The following RCOR1 variants were observed in gnomAD, a reference collection of about 807,000 sequenced individuals.
RCOR1 encodes the protein REST corepressor 1.
Under a neutral mutation model 64.0 loss-of-function variants are expected in RCOR1, and 12 were observed. That is an observed-to-expected ratio of 0.19 (90% CI 0.12 to 0.30). The LOEUF is 0.30. Among genes scored for constraint, RCOR1 ranks in the 10% least tolerant of loss-of-function variants. The pLI, the probability that RCOR1 is intolerant of heterozygous loss-of-function variation, is 1.00. For missense variants in RCOR1, 502 were observed against 621.2 expected (o/e 0.81, Z 2.04); for synonymous variants, 279 against 227.2 (o/e 1.23, Z -2.05).
chr14:102,605,233 G>T (rs967846628), intron 2 of RCOR1, among the ~76,000 whole-genome samples: 1 of 152,152 alleles, frequency 6.6e-6, no homozygotes, highest in Non-Finnish European at 1.5e-5. Context: ...CTTCCTGGCA[G>T]TGAGAACACC....
chr14:102,638,698 T>C (rs1381291878), intron 2 of RCOR1, among the ~76,000 whole-genome samples: 1 of 152,034 alleles, frequency 6.6e-6, no homozygotes, highest in Non-Finnish European at 1.5e-5. Context: ...GACGGAGTCT[T>C]GCTATGTTGT....
intron 11 of RCOR1, among the ~76,000 whole-genome samples, 199 bp from the exon 12 acceptor site, chr14:102,726,269 C>T (rs1443709029): frequency 6.6e-6 from 1 of 150,574 alleles, no homozygotes; most frequent in East Asian, 2.0e-4. Context: ...GAGGTTGCAG[C>T]GAGCCGAGAT....
chr14:102,658,857 A>G (rs1195938650), intron 2 of RCOR1, among the ~76,000 whole-genome samples: 2 of 152,220 alleles, frequency 1.3e-5, no homozygotes, highest in African/African-American at 2.4e-5. Context: ...TGGGGAATTC[A>G]TATGATTGGA....
chr14:102,663,533 G>C (rs1395700706), intron 2 of RCOR1, among the ~76,000 whole-genome samples: 1 of 152,140 alleles, frequency 6.6e-6, no homozygotes, highest in Non-Finnish European at 1.5e-5. Context: ...GGTGATATTG[G>C]GAGTAATTGT....
intron 2 of RCOR1, among the ~76,000 whole-genome samples, chr14:102,614,868 G>A (rs555569913): frequency 8.1e-5 from 12 of 148,252 alleles, no homozygotes; most frequent in African/African-American, 3.0e-4. Flanking sequence ...GTCTCGCTCT[G>A]TCGCCCAGGC....
intron 11 of RCOR1, among the ~76,000 whole-genome samples, chr14:102,725,269 CTT>C (rs1363265198): frequency 6.6e-6 from 1 of 152,206 alleles, no homozygotes; most frequent in Non-Finnish European, 1.5e-5. Flanking sequence ...GGAACAATCA[CTT>C]TGCGATTTTG....
intron 2 of RCOR1, among the ~76,000 whole-genome samples, chr14:102,638,718 A>T (rs1354368409): frequency 1.3e-5 from 2 of 151,782 alleles, no homozygotes; most frequent in Admixed American, 6.6e-5. Context: ...TCCAGGCTGG[A>T]GTGCAGTGGC....
chr14:102,676,894 C>T (rs1370618701), intron 2 of RCOR1, among the ~76,000 whole-genome samples: 2 of 107,840 alleles, frequency 1.9e-5, no homozygotes, highest in African/African-American at 4.2e-5. Context: ...GGCGGCTGGC[C>T]GGGCGGGGGG....
chr14:102,653,720 C>T (rs1407191258), intron 2 of RCOR1, among the ~76,000 whole-genome samples: 1 of 151,880 alleles, frequency 6.6e-6, no homozygotes. Context: ...TAGCACCTCC[C>T]TCTTGTCTCT....
chr14:102,613,526 G>A (rs1474838785), intron 2 of RCOR1, among the ~76,000 whole-genome samples: 4 of 148,654 alleles, frequency 2.7e-5, no homozygotes, highest in East Asian at 2.0e-4. Context: ...TCCGCCTTCC[G>A]GGTTCACGCC....
At chr14:102,598,002 A>G (rs767653732) in intron 2 of RCOR1, among the ~76,000 whole-genome samples, 26 of 152,106 alleles carry the variant, frequency 1.7e-4, no homozygotes, top group Non-Finnish European at 3.2e-4. Context: ...TTGTATTTTT[A>G]GTAGGGATAG....
chr14:102,619,370 T>G (rs1893825376), intron 2 of RCOR1, among the ~76,000 whole-genome samples: 1 of 152,032 alleles, frequency 6.6e-6, no homozygotes, highest in African/African-American at 2.4e-5. Flanking sequence ...TTCACCTCCC[T>G]CAGCCTCCCA....
intron 4 of RCOR1, among the ~76,000 whole-genome samples, chr14:102,704,821 G>T (rs1595238649): frequency 6.6e-6 from 1 of 152,186 alleles, no homozygotes; most frequent in Admixed American, 6.5e-5. Context: ...GCAAAATCCT[G>T]TCTCTACAAA....
At chr14:102,679,768 G>T (rs185154041) in intron 2 of RCOR1, among the ~76,000 whole-genome samples, 1,544 of 152,262 alleles carry the variant, frequency 0.01, 16 homozygotes, top group Admixed American at 0.015. Flanking sequence ...GTGAGCCACT[G>T]CACCTGGCCT....
chr14:102,631,555 G>A (rs1894111365), intron 2 of RCOR1, among the ~76,000 whole-genome samples: 1 of 151,996 alleles, frequency 6.6e-6, no homozygotes, highest in Non-Finnish European at 1.5e-5. Flanking sequence ...ATTATGTCAG[G>A]TTGACAGACA....
At position 102,668,133 on chromosome 14, in the gene RCOR1, A is replaced by G. The variant is rs185060495; in HGVS notation, c.362-13762A>G. 5.9e-5 allele frequency among the ~76,000 whole-genome samples: 9 copies of G among 152,262 alleles called. No individual in the cohort carries two copies. The East Asian group carries it at 1.7e-3, about 29-fold the overall frequency. On this transcript the variant is annotated intron_variant, in intron 2 of 11. Coordinates refer to ENST00000262241, the MANE Select transcript of RCOR1 (RefSeq NM_015156.4). ...TGGGGAAAGGTCAACTTTTGTTAAA[A>G]TCTCTTATTCATGTGGCTGTTTAAT...
At chr14:102,616,754 A>G (rs1187697605) in intron 2 of RCOR1, among the ~76,000 whole-genome samples, 1 of 152,100 alleles carries the variant, frequency 6.6e-6, no homozygotes, top group Non-Finnish European at 1.5e-5. Context: ...GCTCCCTACA[A>G]GCCATGTTCA....
At chr14:102,689,292 AT>A (rs969136468) in intron 3 of RCOR1, among the ~76,000 whole-genome samples, 9 of 151,380 alleles carry the variant, frequency 5.9e-5, no homozygotes, top group South Asian at 2.1e-4. Context: ...TAATCTGAGG[AT>A]TTTTTTTTTG....
intron 7 of RCOR1, among the ~76,000 whole-genome samples, chr14:102,712,664 T>A (rs1895983985): frequency 7.8e-6 from 1 of 128,622 alleles, no homozygotes; most frequent in African/African-American, 3.0e-5. Context: ...TTGTTAAGGC[T>A]TTTTTTTTTT....
Sources: gnomAD v4.1 joint callset for allele counts (sites outside exome capture counted in the v4.1 genomes callset) on GRCh38, gnomAD v4.1.1 for gene constraint, MANE v1.5 for transcripts, NCBI Gene and HGNC (gene_info 2026-07-23, HGNC 2026-07-21) for gene names.